The following ATP13A4 variants were observed in gnomAD, a reference collection of about 807,000 sequenced individuals.
ATP13A4 encodes the protein ATPase 13A4.
Under a neutral mutation model 142.5 loss-of-function variants are expected in ATP13A4, and 114 were observed. The ratio of observed to expected loss-of-function variants is 0.80; its 90% CI spans 0.69 to 0.93. The LOEUF is 0.93. ATP13A4 is among the 40% of genes least tolerant of loss of function. The pLI is 0.00. For missense variants in ATP13A4, 1,392 were observed against 1,454.0 expected (o/e 0.96, Z 0.69); for synonymous variants, 488 against 514.8 (o/e 0.95, Z 0.70).
At chr3:193,451,377 T>C (rs1374234644) in intron 17 of ATP13A4, among the ~76,000 whole-genome samples, 1 of 152,220 alleles carries the variant, frequency 6.6e-6, no homozygotes, top group African/African-American at 2.4e-5. Context: ...GGCCTTTGTA[T>C]GGTTCAAGGC....
intron 1 of ATP13A4, among the ~76,000 whole-genome samples, chr3:193,519,682 T>A (rs1577045439): frequency 7.5e-6 from 1 of 132,666 alleles, no homozygotes; most frequent in East Asian, 2.4e-4. Context: ...TCTGACTCTG[T>A]CACCCAGGCT....
intron 4 of ATP13A4, 38 bp downstream of exon 4, chr3:193,493,052 A>G: frequency 6.2e-7 from 1 of 1,606,958 alleles, no homozygotes; most frequent in East Asian, 2.2e-5. Context: ...TTGAGATAAC[A>G]TTTTTCTTCT....
chr3:193,483,796 A>T (rs1719445347), intron 8 of ATP13A4, 140 bp downstream of exon 8: 1 of 783,342 alleles, frequency 1.3e-6, no homozygotes, highest in Non-Finnish European at 2.1e-6. Context: ...AAAAAAACTT[A>T]AGTTCCTCAT....
At position 193,459,144 on chromosome 3, in the gene ATP13A4, G is replaced by T. The variant is rs746420875; in HGVS notation, c.1611C>A (p.Ile537=). 9.3e-6 allele frequency: 15 copies of T among 1,614,224 alleles called. No homozygotes were observed. The Admixed American group carries it at 2.3e-4, about 25-fold the overall frequency. ...CTCCCTGGATGGTCCCATCAAGAAG[G>T]ATCAGAGAGTGGCAGCTGGCCATCG... The part of the protein sequence containing the change: ...CAAMASCHSL[I]LLDGTIQGDP... Residue 537 remains isoleucine, a synonymous_variant, in exon 14 of 30, where the codon ATC becomes ATA. Coordinates refer to ENST00000342695, the MANE Select transcript of ATP13A4 (RefSeq NM_032279.4).
Position 193,400,063 on chromosome 3 carries a change from C to T in ATP13A4, c.*2589G>A, listed in dbSNP as rs1714216442. 6.6e-6 allele frequency among the ~76,000 whole-genome samples: 1 copy of T among 152,104 alleles called. No homozygotes were observed. The highest frequency in any genetic ancestry group is 2.4e-5 in the African/African-American group (1 of 41,412). ...TTAGGACAGTGGTTAGGGCAGATGG[C>T]CTGAAGCCATCCCCACTGTGATCTT... On this transcript the variant is annotated 3_prime_UTR_variant, in exon 30 of 30. Coordinates refer to ENST00000342695, the MANE Select transcript of ATP13A4 (RefSeq NM_032279.4).
At chr3:193,474,751 AAAAG>A (rs1168096061) in intron 8 of ATP13A4, among the ~76,000 whole-genome samples, 163 of 151,328 alleles carry the variant, frequency 1.1e-3, no homozygotes, top group African/African-American at 1.6e-3. Flanking sequence ...AAAGAAAGGA[AAAAG>A]AAAGAAAGAG....
intron 22 of ATP13A4, 72 bp downstream of exon 22, chr3:193,438,951 T>C: frequency 6.9e-7 from 1 of 1,448,122 alleles, no homozygotes; most frequent in Non-Finnish European, 9.7e-7. Context: ...CTACACACAC[T>C]GGCAGCTACT....
intron 24 of ATP13A4, 27 bp downstream of exon 24, chr3:193,435,621 A>G (rs754946627): frequency 1.3e-6 from 2 of 1,575,340 alleles, no homozygotes; most frequent in South Asian, 2.2e-5. Context: ...GTTCACACTA[A>G]CCAAGAGGCT....
chr3:193,462,369 T>C (rs865957560), intron 13 of ATP13A4, among the ~76,000 whole-genome samples: 1 of 152,192 alleles, frequency 6.6e-6, no homozygotes, highest in African/African-American at 2.4e-5. Context: ...GTAAGAGCAG[T>C]GTCCTTCCTC....
intron 2 of ATP13A4, among the ~76,000 whole-genome samples, chr3:193,509,868 A>C (rs933563494): frequency 2.6e-5 from 4 of 152,328 alleles, no homozygotes; most frequent in East Asian, 1.9e-4. Flanking sequence ...CCTCACTAGA[A>C]AATCACTCTG....
intron 25 of ATP13A4, 43 bp from the exon 26 acceptor site, chr3:193,414,793 A>T (rs754760041): frequency 1.9e-6 from 3 of 1,588,704 alleles, no homozygotes; most frequent in Non-Finnish European, 2.6e-6. Flanking sequence ...GAGCAGGAAA[A>T]TGTATTCTTG....
At chr3:193,416,566 A>C (rs986422766) in intron 25 of ATP13A4, among the ~76,000 whole-genome samples, 3 of 152,198 alleles carry the variant, frequency 2.0e-5, no homozygotes, top group Admixed American at 2.0e-4. Context: ...GCAAACTTGC[A>C]AACTTCAGCA....
chr3:193,545,051 A>G (rs1348689725), intron 1 of ATP13A4, among the ~76,000 whole-genome samples: 1 of 152,236 alleles, frequency 6.6e-6, no homozygotes, highest in Non-Finnish European at 1.5e-5. Flanking sequence ...TCAGAAATAT[A>G]TCAAATAAAG....
chr3:193,524,886 C>T (rs1438338901), intron 1 of ATP13A4, among the ~76,000 whole-genome samples: 1 of 152,150 alleles, frequency 6.6e-6, no homozygotes, highest in East Asian at 1.9e-4. Context: ...TCAGATCTCA[C>T]CTCCCTGACC....
chr3:193,502,051 C>A (rs1387359320), intron 3 of ATP13A4, among the ~76,000 whole-genome samples: 1 of 152,092 alleles, frequency 6.6e-6, no homozygotes, highest in African/African-American at 2.4e-5. Context: ...CACTTGAGCC[C>A]AGGAGTTTGA....
intron 1 of ATP13A4, among the ~76,000 whole-genome samples, chr3:193,549,068 T>C (rs1269707399): frequency 1.3e-5 from 2 of 152,204 alleles, no homozygotes; most frequent in Admixed American, 6.5e-5. Context: ...AAAAGACTGA[T>C]AATTTTCAAT....
chr3:193,589,182 G>GTGTGTGTGTGTGTGTATATAATT (rs1724720249), intron 1 of ATP13A4, among the ~76,000 whole-genome samples: 1 of 150,642 alleles, frequency 6.6e-6, no homozygotes, highest in Admixed American at 6.6e-5. Flanking sequence ...ATATATATAT[G>GTGTGTGTGTGTGTGTATATAATT]TGTGTGTGTG....
chr3:193,422,285 CT>C (rs1321921510), intron 25 of ATP13A4, among the ~76,000 whole-genome samples: 3 of 149,696 alleles, frequency 2.0e-5, no homozygotes, highest in Admixed American at 6.9e-5. Flanking sequence ...TAGTAGGGGA[CT>C]TCAATAACCC....
At chr3:193,474,201 C>G (rs1718780101) in intron 8 of ATP13A4, among the ~76,000 whole-genome samples, 3 of 151,542 alleles carry the variant, frequency 2.0e-5, no homozygotes, top group Admixed American at 2.0e-4. Flanking sequence ...TGCCTGTAGT[C>G]CCAGCTACTC....
Sources: gnomAD v4.1 joint callset for allele counts (sites outside exome capture counted in the v4.1 genomes callset) on GRCh38, gnomAD v4.1.1 for gene constraint, MANE v1.5 for transcripts, NCBI Gene and HGNC (gene_info 2026-07-23, HGNC 2026-07-21) for gene names.